Variants in ITSN2 observed in about 807,000 individuals in gnomAD.
ITSN2 encodes the protein intersectin-2.
Under a neutral mutation model 243.7 loss-of-function variants are expected in ITSN2, and 156 were observed. The observed-to-expected ratio is 0.64, with a 90% CI of 0.56 to 0.73. The LOEUF is 0.73. Ranked by LOEUF, ITSN2 falls within the 30% of genes least tolerant of loss-of-function variation. ITSN2 has a pLI of 0.00. For missense variants in ITSN2, 1,801 were observed against 1,996.1 expected, an observed-to-expected ratio of 0.90 and a Z score of 1.86; for synonymous variants, 703 against 699.9, an observed-to-expected ratio of 1.00 and a Z score of -0.07.
At chr2:24,205,140 C>G in intron 38 of ITSN2, 74 bp downstream of exon 38, 2 of 1,225,460 alleles carry the variant, frequency 1.6e-6, no homozygotes, top group Admixed American at 1.7e-5. Flanking sequence ...CACTGAGACT[C>G]TGTCTCAAAA....
At chr2:24,353,618 T>A (rs1688204364) in intron 1 of ITSN2, among the ~76,000 whole-genome samples, 1 of 151,558 alleles carries the variant, frequency 6.6e-6, no homozygotes, top group Non-Finnish European at 1.5e-5. Flanking sequence ...CACTGGCCAA[T>A]ACCCAGGGCT....
At chr2:24,259,555 A>C (rs1574049269) in intron 22 of ITSN2, among the ~76,000 whole-genome samples, 1 of 151,876 alleles carries the variant, frequency 6.6e-6, no homozygotes. Flanking sequence ...ATAAACCTCA[A>C]CCTCTCTCTC....
intron 15 of ITSN2, among the ~76,000 whole-genome samples, chr2:24,287,314 C>T (rs1029446495): frequency 3.9e-5 from 6 of 152,068 alleles, no homozygotes; most frequent in Non-Finnish European, 8.8e-5. Flanking sequence ...ACCTTTCTGA[C>T]TGGTATGGGT....
intron 29 of ITSN2, among the ~76,000 whole-genome samples, chr2:24,229,131 C>T (rs762112441): frequency 9.9e-5 from 15 of 151,512 alleles, no homozygotes; most frequent in Admixed American, 2.6e-4. Context: ...AAGACCCATA[C>T]CCCACCTCCC....
At position 24,281,198 on chromosome 2, in the gene ITSN2, T is replaced by C. The variant is rs1290029511; in HGVS notation, c.1944+3565A>G. 7.9e-5 allele frequency among the ~76,000 whole-genome samples: 12 copies of C among 152,198 alleles called. No individual in the cohort carries two copies. The East Asian group carries it at 2.3e-3, about 29-fold the overall frequency. On this transcript the variant is annotated intron_variant, in intron 17 of 39. Transcript: ENST00000355123. ...CGCGTGCCACCACACCCAGCTAATT[T>C]TTTGTATTTTTAGTAGAGACGGGGT...
intron 31 of ITSN2, among the ~76,000 whole-genome samples, 184 bp downstream of exon 31, chr2:24,217,720 TTTC>T (rs1670100330): frequency 6.6e-6 from 1 of 152,266 alleles, no homozygotes; most frequent in South Asian, 2.1e-4. Flanking sequence ...ATTTCTTTAC[TTTC>T]TTCAATACTT....
Position 24,210,769 on chromosome 2 carries a change from AC to A in ITSN2, c.4257+10del. 6.2e-7 allele frequency: 1 copy of A among 1,612,508 alleles called. No homozygotes were observed. Among genetic ancestry groups the A allele is most frequent in the African/African-American group, 1.3e-5 (1 of 75,028 alleles). On this transcript the variant is annotated intron_variant, in intron 34 of 39. Transcript: ENST00000355123. ...CCCTGGAGGCGCACGGCTTAACCACACAGGCCTGACCTCCGCGAGGCCTTCA... is the reference window on the plus strand; with the variant it reads ...CCCTGGAGGCGCACGGCTTAACCACAAGGCCTGACCTCCGCGAGGCCTTCA...
At chr2:24,224,459 C>G (rs1253805124) in intron 29 of ITSN2, among the ~76,000 whole-genome samples, 1 of 152,194 alleles carries the variant, frequency 6.6e-6, no homozygotes, top group Non-Finnish European at 1.5e-5. Context: ...ACATTAAAAA[C>G]CACAAGTATT....
At position 24,246,870 on chromosome 2, in the gene ITSN2, T is replaced by G; in HGVS notation, c.3312A>C (p.Lys1104Asn). The change falls in exon 28 of 40, where the codon AAA (lysine) becomes AAC (asparagine). Residue 1104 changes from lysine to asparagine, a missense_variant. By Grantham distance (94) the Lys-to-Asn change is moderately conservative. This residue lies in a region of ITSN2 where 928 missense variants were observed against 1,065.4 expected (regional missense o/e 0.87). Coordinates refer to ENST00000355123, the MANE Select transcript of ITSN2 (RefSeq NM_006277.3). ...TAACATGACTGGCAGGAAACCATCC[T>G]TTCTGTCGCTTTTTTCCTCTGGCCT... The part of the protein sequence containing the change: ...ELQARGKKRQ[K>N]GWFPASHVKL... 6.2e-7 allele frequency: 1 copy of G among 1,612,726 alleles called. No homozygotes were observed.
At chr2:24,261,511 T>A (rs1432765338) in intron 21 of ITSN2, 50 bp downstream of exon 21, 2 of 1,373,558 alleles carry the variant, frequency 1.5e-6, no homozygotes, top group Non-Finnish European at 2.1e-6. Context: ...ATATTAGGTA[T>A]TTACACATTT....
chr2:24,312,996 T>C (rs1054879641), intron 4 of ITSN2, among the ~76,000 whole-genome samples: 9 of 152,098 alleles, frequency 5.9e-5, no homozygotes, highest in African/African-American at 1.9e-4. Context: ...CTAATGAAAT[T>C]AGAAATTTGT....
intron 15 of ITSN2, among the ~76,000 whole-genome samples, chr2:24,290,656 GT>G (rs1412314592): frequency 6.6e-6 from 1 of 152,074 alleles, no homozygotes; most frequent in Non-Finnish European, 1.5e-5. Flanking sequence ...ATAGAGAGCG[GT>G]AAAGAGCTCC....
intron 1 of ITSN2, among the ~76,000 whole-genome samples, chr2:24,336,986 C>G (rs954347864): frequency 6.6e-6 from 1 of 151,502 alleles, no homozygotes; most frequent in Non-Finnish European, 1.5e-5. Flanking sequence ...GGAAGCAGAA[C>G]AGGCTCCAAC....
chr2:24,268,995 A>T (rs1677010906), intron 20 of ITSN2, among the ~76,000 whole-genome samples: 1 of 151,780 alleles, frequency 6.6e-6, no homozygotes, highest in Non-Finnish European at 1.5e-5. Context: ...TAATTTTTTT[A>T]GTCCTTGTTT....
At chr2:24,321,763 A>G (rs953680306) in intron 2 of ITSN2, 3 of 152,202 alleles carry the variant, frequency 2.0e-5, no homozygotes, top group African/African-American at 7.2e-5. Flanking sequence ...CTGATTTTAA[A>G]AACAACAAAA....
rs1313084970 is a variant in ITSN2 at position 24,248,899 on chromosome 2, C to T, written c.3121-17G>A. 5.6e-6 allele frequency: 9 copies of T among 1,611,362 alleles called. No homozygotes were observed. The Admixed American group carries it at 1.5e-4, about 27-fold the overall frequency. On this transcript the variant is annotated splice_polypyrimidine_tract_variant and intron_variant, in intron 25 of 39. Coordinates refer to ENST00000355123, the MANE Select transcript of ITSN2 (RefSeq NM_006277.3). ...CCCAAAACTCTACAAGGAAAAGATA[C>T]CGTGTTGTTTTATTATTTCCAACAA...
chr2:24,357,567 G>T (rs561987825), intron 1 of ITSN2, among the ~76,000 whole-genome samples: 102 of 152,122 alleles, frequency 6.7e-4, no homozygotes, highest in African/African-American at 2.4e-3. Flanking sequence ...AAACCTGTAC[G>T]TTCTGCACAT....
intron 17 of ITSN2, among the ~76,000 whole-genome samples, chr2:24,280,860 T>A (rs1678676675): frequency 1.3e-5 from 2 of 152,354 alleles, no homozygotes; most frequent in Non-Finnish European, 2.9e-5. Context: ...GGCTGATCTC[T>A]TCATCAATGA....
At chr2:24,271,201 T>C (rs1677300033) in intron 19 of ITSN2, among the ~76,000 whole-genome samples, 1 of 152,040 alleles carries the variant, frequency 6.6e-6, no homozygotes, top group Non-Finnish European at 1.5e-5. Flanking sequence ...TGAAGAAAAA[T>C]CTATACATCT....
Sources: allele counts gnomAD v4.1 joint callset (sites outside exome capture counted in the v4.1 genomes callset), GRCh38; gene constraint gnomAD v4.1.1; regional missense constraint gnomAD v4.1.1; transcripts MANE v1.5; gene names NCBI Gene and HGNC (gene_info 2026-07-23, HGNC 2026-07-21).